AFM: variants seen among roughly 807,000 people sequenced by gnomAD.
AFM encodes the protein alpha-Alb.
A neutral mutation model predicts 68.7 loss-of-function variants in AFM; 82 were observed. The ratio of observed to expected loss-of-function variants is 1.19; its 90% CI spans 1.00 to 1.43. The LOEUF is 1.43. AFM is among the 40% of genes most tolerant of loss of function. The pLI is 0.00. For missense variants in AFM, 772 were observed against 701.8 expected (o/e 1.10, Z -1.13); for synonymous variants, 250 against 234.2 (o/e 1.07, Z -0.61).
intron 11 of AFM, among the ~76,000 whole-genome samples, chr4:73,499,709 C>T (rs552365968): frequency 2.0e-5 from 3 of 152,044 alleles, no homozygotes; most frequent in African/African-American, 7.2e-5. Context: ...GTTTGATCGC[C>T]CCTTTCAGTT....
intron 13 of AFM, among the ~76,000 whole-genome samples, chr4:73,502,258 C>T (rs1442992932): frequency 1.4e-4 from 22 of 152,142 alleles, no homozygotes; most frequent in Admixed American, 1.4e-3. Flanking sequence ...TTGAACCACT[C>T]ATTATCTTAA....
At chr4:73,485,748 G>T in intron 3 of AFM, 114 bp from the exon 4 acceptor site, 1 of 772,884 alleles carries the variant, frequency 1.3e-6, no homozygotes, top group Non-Finnish European at 2.1e-6. Flanking sequence ...GTAGGAGAAA[G>T]AGAAGGAGCT....
In AFM at chr4:73,492,058, G is replaced by C. The variant is rs577475674; in HGVS notation, c.1030G>C (p.Asp344His). 3.7e-6 allele frequency: 6 copies of C among 1,612,118 alleles called. No homozygotes were observed. The South Asian group carries it at 6.6e-5, about 18-fold the overall frequency. ...CAGTGAAAATGTGTGTCAAGAACGA[G>C]ATGCTGACCCAGACACCTTCTTTGC... ...TDSENVCQER[D>H]ADPDTFFAKF... The change falls in exon 8 of 15, where the codon GAT becomes CAT. Residue 344 changes from aspartate (D) to histidine (H), a missense_variant. Asp to His is a moderately conservative substitution (Grantham distance 81). Coordinates refer to ENST00000226355, the MANE Select transcript of AFM (RefSeq NM_001133.2).
Position 73,484,402 on chromosome 4 carries a change from G to A in AFM, c.270+12G>A. On this transcript the variant is annotated intron_variant, in intron 3 of 14. Transcript: ENST00000226355. ...GTTCAAAATTACCTGTAAGTAAATT[G>A]CTTGTGTTTCTTTTCCTTTTATCTT... 2 of 1,510,890 alleles carry A rather than the reference G, an allele frequency of 1.3e-6. No individual in the cohort carries two copies. The highest frequency in any genetic ancestry group is 1.8e-6 in the Non-Finnish European group (2 of 1,131,522). The allele number at this position is 1,510,890 out of a possible 1,614,324, so 93.6% of individuals were successfully genotyped here.
chr4:73,497,681 A>G lies in AFM; in HGVS notation c.1221A>G (p.Lys407=). The change falls in exon 10 of 15, where the codon AAA becomes AAG. Residue 407 remains lysine (K), a synonymous_variant. Transcript: ENST00000226355. Reference sequence around the variant, plus strand: ...ACAAATTCAATGAGACAACTGAGAAAAGCCTCAAGATGGTACAACAAGAAT... The same window carrying G: ...ACAAATTCAATGAGACAACTGAGAAGAGCCTCAAGATGGTACAACAAGAAT... ...AEDKFNETTE[K]SLKMVQQECK... 1.2e-6 allele frequency: 2 copies of G among 1,608,336 alleles called. No individual in the cohort carries two copies. Among genetic ancestry groups the G allele is most frequent in the South Asian group, 2.2e-5 (2 of 89,894 alleles).
At chr4:73,496,111 T>G (rs1034048234) in intron 9 of AFM, among the ~76,000 whole-genome samples, 4 of 152,206 alleles carry the variant, frequency 2.6e-5, no homozygotes, top group Admixed American at 6.5e-5. Flanking sequence ...CAACAAAAAT[T>G]TATTCTCTCA....
intron 14 of AFM, among the ~76,000 whole-genome samples, chr4:73,503,500 C>G (rs921192950): frequency 2.6e-5 from 4 of 152,044 alleles, no homozygotes; most frequent in Admixed American, 2.6e-4. Flanking sequence ...CCTCAGTGAC[C>G]CTTTCCAATA....
intron 8 of AFM, among the ~76,000 whole-genome samples, chr4:73,494,279 G>C (rs1451228975): frequency 6.6e-6 from 1 of 152,026 alleles, no homozygotes; most frequent in African/African-American, 2.4e-5. Context: ...GTCAAATCCT[G>C]AAAAAATAGG....
chr4:73,490,200 A>AAAAG (rs1313184272), intron 7 of AFM, among the ~76,000 whole-genome samples: 1 of 151,860 alleles, frequency 6.6e-6, no homozygotes, highest in African/African-American at 2.4e-5. Flanking sequence ...AAAAAAAAAA[A>AAAAG]AAAGAAAGAA....
intron 11 of AFM, among the ~76,000 whole-genome samples, chr4:73,499,784 T>C (rs759869867): frequency 1.4e-4 from 22 of 152,134 alleles, no homozygotes; most frequent in Non-Finnish European, 1.8e-4. Context: ...AATTAATTTG[T>C]AGGCATCTAA....
rs964649355 is a variant in AFM at position 73,485,974 on chromosome 4, A to G, written c.383A>G (p.Asn128Ser). The G allele has an allele frequency of 6.2e-7, 1 of 1,614,030 alleles. No individual in the cohort carries two copies. Among genetic ancestry groups the G allele is most frequent in the Non-Finnish European group, 8.5e-7 (1 of 1,179,998 alleles). ...DAQRRLCFFYNKKSDVGFLPP... is the reference protein window; with the variant it reads ...DAQRRLCFFYSKKSDVGFLPP... ...CAAAGAAGACTCTGTTTCTTCTATAACAAGAAATCTGATGTGGGATTTCTG... is the reference window on the plus strand; with the variant it reads ...CAAAGAAGACTCTGTTTCTTCTATAGCAAGAAATCTGATGTGGGATTTCTG... The change falls in exon 4 of 15, where the codon AAC becomes AGC. Residue 128 changes from asparagine to serine, a missense_variant. Transcript: ENST00000226355.
At chr4:73,488,986 C>T (rs1404052424) in intron 7 of AFM, among the ~76,000 whole-genome samples, 1 of 152,068 alleles carries the variant, frequency 6.6e-6, no homozygotes, top group Non-Finnish European at 1.5e-5. Context: ...TATTATATGG[C>T]TAAATGTCTT....
intron 8 of AFM, chr4:73,494,973 A>G (rs1307342485): frequency 1.2e-5 from 2 of 165,692 alleles, no homozygotes; most frequent in Non-Finnish European, 2.6e-5. Flanking sequence ...ATTATAAGCA[A>G]TATGTATTTT....
At chr4:73,501,069 A>G (rs1027861995) in intron 12 of AFM, among the ~76,000 whole-genome samples, 3 of 152,134 alleles carry the variant, frequency 2.0e-5, no homozygotes, top group Non-Finnish European at 4.4e-5. Context: ...TACTCTAAAA[A>G]TGTACTCTAA....
At chr4:73,483,165 T>C (rs1161144248) in intron 1 of AFM, among the ~76,000 whole-genome samples, 1 of 152,198 alleles carries the variant, frequency 6.6e-6, no homozygotes, top group Non-Finnish European at 1.5e-5. Flanking sequence ...CTGAATCTCT[T>C]ACATTTACTC....
intron 4 of AFM, among the ~76,000 whole-genome samples, chr4:73,486,756 G>C (rs1168357944): frequency 6.6e-6 from 1 of 152,172 alleles, no homozygotes; most frequent in Non-Finnish European, 1.5e-5. Flanking sequence ...TCGGGAACTG[G>C]TTAATGCTGC....
chr4:73,492,094 A>G lies in AFM; in HGVS notation c.1058+8A>G, dbSNP rs372916811. 1 of 1,593,334 alleles carries G rather than the reference A, an allele frequency of 6.3e-7. No homozygotes were observed. Among genetic ancestry groups the G allele is most frequent in the Non-Finnish European group, 8.5e-7 (1 of 1,172,894 alleles). The stretch of plus-strand genomic sequence containing the variant: ...AGACACCTTCTTTGCGAAGTAATAT[A>G]ACTCTTTATTGAATTTATAAGGGAA... On this transcript the variant is annotated splice_region_variant and intron_variant, in intron 8 of 14. Coordinates refer to ENST00000226355, the MANE Select transcript of AFM (RefSeq NM_001133.2).
chr4:73,498,538 G>C (rs1326953386), intron 10 of AFM, among the ~76,000 whole-genome samples: 1 of 151,994 alleles, frequency 6.6e-6, no homozygotes, highest in Non-Finnish European at 1.5e-5. Flanking sequence ...CCAACCCTTC[G>C]GACTTTGCTG....
At chr4:73,493,911 T>C (rs1400381247) in intron 8 of AFM, among the ~76,000 whole-genome samples, 1 of 152,112 alleles carries the variant, frequency 6.6e-6, no homozygotes, top group Non-Finnish European at 1.5e-5. Context: ...AATGATAGAG[T>C]AACAGTGAGC....
Sources: gnomAD v4.1 joint callset for allele counts (sites outside exome capture counted in the v4.1 genomes callset) on GRCh38, gnomAD v4.1.1 for gene constraint, MANE v1.5 for transcripts, NCBI Gene and HGNC (gene_info 2026-07-23, HGNC 2026-07-21) for gene names.